The following SDHD variants were observed in gnomAD, a reference collection of about 807,000 sequenced individuals.
SDHD encodes succinate dehydrogenase complex subunit D.
In SDHD, 6 loss-of-function variants were observed where a neutral mutation model predicts 18.7. The ratio of observed to expected loss-of-function variants is 0.32; its 90% CI spans 0.18 to 0.63. SDHD has a LOEUF of 0.63. Among genes scored for constraint, SDHD ranks in the 30% least tolerant of loss-of-function variants. SDHD has a pLI of 0.79. For missense variants in SDHD, 160 were observed against 192.7 expected, an observed-to-expected ratio of 0.83 and a Z score of 1.00; for synonymous variants, 56 against 73.9, an observed-to-expected ratio of 0.76 and a Z score of 1.24.
At chr11:112,090,644 C>T (rs1865727160) in intron 3 of SDHD, among the ~76,000 whole-genome samples, 2 of 151,894 alleles carry the variant, frequency 1.3e-5, no homozygotes, top group African/African-American at 4.8e-5. Flanking sequence ...AAACTAAGAC[C>T]CAGGGAGGTT....
chr11:112,091,003 GT>G, intron 3 of SDHD: 1 of 644,380 alleles, frequency 1.6e-6, no homozygotes, highest in Non-Finnish European at 1.9e-6. Flanking sequence ...GCCTAAAGGG[GT>G]TTTAATTATC....
intron 3 of SDHD, chr11:112,093,098 G>T: frequency 3.0e-6 from 1 of 338,616 alleles, no homozygotes; most frequent in South Asian, 2.0e-5. Flanking sequence ...GCAATGGTGC[G>T]ATCTTGGCTC....
Position 112,088,921 on chromosome 11 carries a change from T to C in SDHD, c.224T>C (p.Leu75Ser), listed in dbSNP as rs1060503777. Reference sequence around the variant, plus strand: ...ACTAGCGAGAGGGTTGTCAGTGTTTTGCTCCTGGGTCTGCTTCCGGCTGCT... The same window carrying C: ...ACTAGCGAGAGGGTTGTCAGTGTTTCGCTCCTGGGTCTGCTTCCGGCTGCT... ...HWTSERVVSV[L>S]LLGLLPAAYL... Residue 75 changes from leucine (L) to serine (S), a missense_variant, in exon 3 of 4, where the codon TTG (leucine) becomes TCG (serine). Transcript: ENST00000375549. 6.2e-7 allele frequency: 1 copy of C among 1,613,296 alleles called. No individual in the cohort carries two copies. Among genetic ancestry groups the C allele is most frequent in the Admixed American group, 1.7e-5 (1 of 60,028 alleles).
chr11:112,092,739 C>A (rs1363673359), intron 3 of SDHD, among the ~76,000 whole-genome samples: 2 of 152,122 alleles, frequency 1.3e-5, no homozygotes, highest in Non-Finnish European at 2.9e-5. Context: ...CTTAGAGTTA[C>A]CATCTGACTC....
intron 3 of SDHD, among the ~76,000 whole-genome samples, chr11:112,089,849 A>G (rs1337022423): frequency 6.6e-6 from 1 of 151,964 alleles, no homozygotes; most frequent in Non-Finnish European, 1.5e-5. Context: ...CTAATATACT[A>G]CATCATCTGT....
chr11:112,092,887 T>C (rs1346570187), intron 3 of SDHD, among the ~76,000 whole-genome samples: 1 of 152,144 alleles, frequency 6.6e-6, no homozygotes, highest in African/African-American at 2.4e-5. Context: ...AGTGGATGAA[T>C]AGCTAAACAA....
intron 3 of SDHD, among the ~76,000 whole-genome samples, chr11:112,090,456 G>A (rs1181548948): frequency 6.6e-6 from 1 of 152,066 alleles, no homozygotes; most frequent in Non-Finnish European, 1.5e-5. Context: ...GACTTTCTAC[G>A]TAATGAACCT....
At chr11:112,089,709 T>C (rs1383785768) in intron 3 of SDHD, among the ~76,000 whole-genome samples, 8 of 152,174 alleles carry the variant, frequency 5.3e-5, no homozygotes, top group Admixed American at 3.9e-4. Flanking sequence ...TTCCTTCATC[T>C]CCTTCAGGTC....
rs751516982 is a variant in SDHD, at chr11:112,093,152, C to T, written c.315-1653C>T. On this transcript the variant is annotated intron_variant, in intron 3 of 3. Transcript: ENST00000375549. ...CACGATCTCAGCTTACTGCAACCTC[C>T]GCCTTTCGGGTTCAAGCGATTCTCC... The T allele has an allele frequency of 6.9e-5, 27 of 389,770 alleles. No homozygotes were observed. Among genetic ancestry groups the T allele is most frequent in the South Asian group, 2.8e-4 (16 of 57,308 alleles). 24.1% of individuals were successfully genotyped at this position (389,770 alleles called of 1,614,324 possible).
intron 3 of SDHD, among the ~76,000 whole-genome samples, chr11:112,089,586 C>T (rs1199507773): frequency 6.6e-6 from 1 of 152,216 alleles, no homozygotes; most frequent in South Asian, 2.1e-4. Context: ...CTCTCTCTCT[C>T]ATTCACACTG....
At position 112,095,606 on chromosome 11, in the gene SDHD, A is replaced by G; in HGVS notation, c.*636A>G. 1 of 229,174 alleles carries G rather than the reference A, an allele frequency of 4.4e-6. No individual in the cohort carries two copies. The highest frequency in any genetic ancestry group is 8.6e-6 in the Non-Finnish European group (1 of 115,734). 14.2% of individuals were successfully genotyped at this position (229,174 alleles called of 1,614,324 possible). A position where few individuals can be genotyped will look rare whatever the true frequency, so the allele number is the denominator to read the frequency against. ...CCTGTAGATGTATCAAAATACTACCAACTGTAAATTGAGATTTAATTCCCA... is the reference window on the plus strand; with the variant it reads ...CCTGTAGATGTATCAAAATACTACCGACTGTAAATTGAGATTTAATTCCCA... On this transcript the variant is annotated 3_prime_UTR_variant, in exon 4 of 4. Coordinates refer to ENST00000375549, the MANE Select transcript of SDHD (RefSeq NM_003002.4).
At chr11:112,092,408 C>T (rs1440941529) in intron 3 of SDHD, among the ~76,000 whole-genome samples, 2 of 152,090 alleles carry the variant, frequency 1.3e-5, no homozygotes, top group African/African-American at 4.8e-5. Context: ...TTGCTCTGTC[C>T]CCCACCCACT....
intron 3 of SDHD, among the ~76,000 whole-genome samples, chr11:112,093,982 C>A (rs2135276334): frequency 6.6e-6 from 1 of 152,252 alleles, no homozygotes; most frequent in South Asian, 2.1e-4. Context: ...TTAATAAATT[C>A]TTTTTGAATT....
chr11:112,088,076 G>T, intron 2 of SDHD, 103 bp downstream of exon 2: 1 of 846,574 alleles, frequency 1.2e-6, no homozygotes, highest in Non-Finnish European at 2.0e-6. Context: ...GGGGACTCTT[G>T]TGTCCAACTT....
chr11:112,091,493 C>T (rs1309781560), intron 3 of SDHD, among the ~76,000 whole-genome samples: 2 of 152,198 alleles, frequency 1.3e-5, no homozygotes, highest in African/African-American at 4.8e-5. Flanking sequence ...TTCTTAATTT[C>T]TCCATCTGTA....
intron 3 of SDHD, among the ~76,000 whole-genome samples, chr11:112,092,656 G>A (rs1166460200): frequency 6.6e-6 from 1 of 152,128 alleles, no homozygotes; most frequent in African/African-American, 2.4e-5. Context: ...TGGAACCCTC[G>A]TGGTTCTGCT....
intron 2 of SDHD, chr11:112,088,526 C>T (rs1248893915): frequency 5.4e-6 from 2 of 373,180 alleles, no homozygotes; most frequent in African/African-American, 4.2e-5. Context: ...CACTAACTTA[C>T]ATTCATAAGG....
At chr11:112,094,738 T>G in intron 3 of SDHD, 67 bp from the exon 4 acceptor site, 2 of 1,426,968 alleles carry the variant, frequency 1.4e-6, no homozygotes, top group Non-Finnish European at 2.0e-6. Flanking sequence ...GCAGCCAAGT[T>G]ATCTGTATAG....
intron 1 of SDHD, among the ~76,000 whole-genome samples, chr11:112,087,287 A>G (rs539744390): frequency 6.6e-6 from 1 of 152,268 alleles, no homozygotes; most frequent in African/African-American, 2.4e-5. Flanking sequence ...GAGTCGGGAA[A>G]GAGGGTTAGG....
Sources: allele counts gnomAD v4.1 joint callset (sites outside exome capture counted in the v4.1 genomes callset), GRCh38; gene constraint gnomAD v4.1.1; transcripts MANE v1.5; gene names NCBI Gene and HGNC (gene_info 2026-07-23, HGNC 2026-07-21).